Variants in RALYL observed in about 807,000 individuals in gnomAD.
RALYL encodes the protein RNA-binding Raly-like protein.
In RALYL, 29 loss-of-function variants were observed where a neutral mutation model predicts 35.1. That is an observed-to-expected ratio of 0.83 (90% CI 0.61 to 1.13). RALYL has a LOEUF of 1.13. RALYL is among the 50% of genes most tolerant of loss of function. RALYL has a pLI of 0.00. For synonymous variants in RALYL, 120 were observed against 127.6 expected, an observed-to-expected ratio of 0.94 and a Z score of 0.40; for missense variants, 359 against 360.4, an observed-to-expected ratio of 1.00 and a Z score of 0.03.
chr8:84,268,282 G>A (rs117646698), intron 1 of RALYL, among the ~76,000 whole-genome samples: 2,897 of 152,196 alleles, frequency 0.019, 42 homozygotes, highest in South Asian at 0.031. Flanking sequence ...ACAACATTCC[G>A]TATATTTATA....
chr8:84,916,399 C>T (rs527332629), intron 8 of RALYL, among the ~76,000 whole-genome samples: 2 of 151,816 alleles, frequency 1.3e-5, no homozygotes, highest in South Asian at 2.1e-4. Context: ...CCACCCAAAT[C>T]TCATCTTGAA....
chr8:84,823,892 C>T (rs897320636), intron 4 of RALYL, among the ~76,000 whole-genome samples: 2 of 152,038 alleles, frequency 1.3e-5, no homozygotes, highest in African/African-American at 4.8e-5. Flanking sequence ...CTGTGACAAA[C>T]CCACTGCCAA....
intron 2 of RALYL, among the ~76,000 whole-genome samples, chr8:84,773,956 C>A (rs1476670456): frequency 6.6e-6 from 1 of 152,182 alleles, no homozygotes; most frequent in East Asian, 1.9e-4. Context: ...CAGCGGCTCA[C>A]ACCTATAATC....
intron 2 of RALYL, among the ~76,000 whole-genome samples, chr8:84,584,753 A>G (rs1811618513): frequency 6.6e-6 from 1 of 152,250 alleles, no homozygotes; most frequent in African/African-American, 2.4e-5. Flanking sequence ...CAGAAACAAC[A>G]GAAACTTTGC....
intron 2 of RALYL, among the ~76,000 whole-genome samples, chr8:84,552,043 C>A (rs1287148711): frequency 6.7e-6 from 1 of 150,238 alleles, no homozygotes; most frequent in East Asian, 1.9e-4. Flanking sequence ...GAGTTCAGTA[C>A]ATTTTGATAA....
chr8:84,548,827 A>C (rs115241253), intron 2 of RALYL, among the ~76,000 whole-genome samples: 107 of 151,978 alleles, frequency 7.0e-4, no homozygotes, highest in Non-Finnish European at 1.3e-3. Context: ...TTTCTGTTCA[A>C]CTTGGAATTT....
chr8:84,677,566 C>T (rs1209654140), intron 2 of RALYL, among the ~76,000 whole-genome samples: 1 of 152,052 alleles, frequency 6.6e-6, no homozygotes, highest in Non-Finnish European at 1.5e-5. Context: ...GTACCTATAA[C>T]ATATTCTATC....
intron 1 of RALYL, among the ~76,000 whole-genome samples, chr8:84,243,477 C>T (rs1176391342): frequency 7.0e-6 from 1 of 143,000 alleles, no homozygotes. Flanking sequence ...AATATTTTTC[C>T]GTTTGTTTCT....
chr8:84,864,021 A>C (rs1419654443), intron 6 of RALYL, among the ~76,000 whole-genome samples: 2 of 152,224 alleles, frequency 1.3e-5, no homozygotes, highest in Non-Finnish European at 2.9e-5. Flanking sequence ...ACATTGGAAA[A>C]AATAAACCAT....
At chr8:84,856,304 G>A (rs945598550) in intron 5 of RALYL, among the ~76,000 whole-genome samples, 1 of 152,154 alleles carries the variant, frequency 6.6e-6, no homozygotes, top group Non-Finnish European at 1.5e-5. Context: ...AGAATTAAAT[G>A]AGAAAATCGT....
At chr8:84,613,725 A>G (rs1277995002) in intron 2 of RALYL, among the ~76,000 whole-genome samples, 1 of 151,432 alleles carries the variant, frequency 6.6e-6, no homozygotes, top group Non-Finnish European at 1.5e-5. Flanking sequence ...GAAAAATTGT[A>G]ATGCCCAACA....
chr8:84,380,249 C>T (rs892958573), intron 1 of RALYL, among the ~76,000 whole-genome samples: 1 of 151,850 alleles, frequency 6.6e-6, no homozygotes, highest in Non-Finnish European at 1.5e-5. Flanking sequence ...GTCCCAGGTT[C>T]CCTCACTCCT....
At chr8:84,810,909 C>A (rs1362300673) in intron 4 of RALYL, among the ~76,000 whole-genome samples, 2 of 152,158 alleles carry the variant, frequency 1.3e-5, no homozygotes, top group African/African-American at 4.8e-5. Flanking sequence ...CTCCTGAAGG[C>A]AGCAGAGAGT....
intron 1 of RALYL, among the ~76,000 whole-genome samples, chr8:84,301,461 A>C (rs921303915): frequency 1.3e-5 from 2 of 152,074 alleles, no homozygotes; most frequent in Non-Finnish European, 2.9e-5. Flanking sequence ...TTCATGGACA[A>C]TATCTTCAAA....
rs1276681610 is a variant in RALYL, at chr8:84,419,801, T to G, written c.-23-109498T>G. On this transcript the variant is annotated intron_variant, in intron 1 of 8. Coordinates refer to ENST00000521268, the MANE Select transcript of RALYL (RefSeq NM_173848.7). Reference sequence around the variant, plus strand: ...TATGAGTGAGAATATGCGGTATTTGTTTTTTGTTCTTGCGATAGTTTACTG... The same window carrying G: ...TATGAGTGAGAATATGCGGTATTTGGTTTTTGTTCTTGCGATAGTTTACTG... Among the ~76,000 whole-genome samples, 1,185 of 149,006 alleles carry G rather than the reference T, an allele frequency of 8.0e-3. 26 individuals carry two copies. The highest frequency in any genetic ancestry group is 0.028 in the African/African-American group (1,102 of 39,292).
intron 1 of RALYL, among the ~76,000 whole-genome samples, chr8:84,284,028 AATAC>A (rs1306354489): frequency 6.6e-6 from 1 of 152,206 alleles, no homozygotes; most frequent in African/African-American, 2.4e-5. Flanking sequence ...TACTGACTAT[AATAC>A]AAACTATAAT....
intron 5 of RALYL, among the ~76,000 whole-genome samples, chr8:84,860,084 T>C (rs1195904868): frequency 2.0e-5 from 3 of 152,218 alleles, no homozygotes; most frequent in Non-Finnish European, 4.4e-5. Context: ...GGTTTGGTAA[T>C]CCTTGGCTGG....
chr8:84,298,539 C>T (rs187451393), intron 1 of RALYL, among the ~76,000 whole-genome samples: 219 of 152,096 alleles, frequency 1.4e-3, no homozygotes, highest in Non-Finnish European at 2.9e-3. Context: ...GCTATTTGGG[C>T]TCTTTTTTGG....
intron 3 of RALYL, among the ~76,000 whole-genome samples, chr8:84,779,544 T>C (rs576218400): frequency 6.6e-6 from 1 of 152,304 alleles, no homozygotes; most frequent in East Asian, 1.9e-4. Flanking sequence ...TACAAATGCC[T>C]CTTGTAGCAA....
Sources: gnomAD v4.1 joint callset for allele counts (sites outside exome capture counted in the v4.1 genomes callset) on GRCh38, gnomAD v4.1.1 for gene constraint, MANE v1.5 for transcripts, NCBI Gene and HGNC (gene_info 2026-07-23, HGNC 2026-07-21) for gene names.